ZFAND6: variants seen among roughly 807,000 people sequenced by gnomAD.
ZFAND6 encodes the protein zinc finger AN1-type containing 6.
Under a neutral mutation model 24.5 loss-of-function variants are expected in ZFAND6, and 12 were observed. The ratio of observed to expected loss-of-function variants is 0.49; its 90% CI spans 0.31 to 0.79. The LOEUF (loss-of-function observed/expected upper bound fraction) is 0.79, where lower values mean the gene tolerates loss of function less well. Among genes scored for constraint, ZFAND6 ranks in the 30% least tolerant of loss-of-function variants. The pLI is 0.04. For missense variants in ZFAND6, 207 were observed against 245.9 expected (o/e 0.84, Z 1.06); for synonymous variants, 92 against 81.5 (o/e 1.13, Z -0.69).
intron 1 of ZFAND6, among the ~76,000 whole-genome samples, chr15:80,072,172 A>G (rs2037013001): frequency 6.6e-6 from 1 of 152,064 alleles, no homozygotes; most frequent in South Asian, 2.1e-4. Context: ...TTTTCAGGTA[A>G]AATGTGAACT....
chr15:80,103,153 G>A (rs748971191), intron 2 of ZFAND6, among the ~76,000 whole-genome samples: 1 of 152,170 alleles, frequency 6.6e-6, no homozygotes, highest in East Asian at 1.9e-4. Context: ...ATGTTAGTAG[G>A]GAGGCAGTGA....
In ZFAND6 at chr15:80,111,173, T is replaced by TAAA. The variant is rs1485379609; in HGVS notation, c.-17-9154_-17-9153insAAA. ...TTGTACCAAAAGTGTTACTATCATT[T>TAAA]ATCACATCATGGTTATAACTCCATA... is the stretch of plus-strand genomic sequence containing the variant. On this transcript the variant is annotated intron_variant, in intron 2 of 6. Coordinates refer to ENST00000261749, the MANE Select transcript of ZFAND6 (RefSeq NM_019006.4). Among the ~76,000 whole-genome samples, 6 of 152,258 alleles carry TAAA rather than the reference T, an allele frequency of 3.9e-5. No individual in the cohort carries two copies. The East Asian group carries it at 1.2e-3, about 29-fold the overall frequency.
At chr15:80,109,219 A>G (rs1230514649) in intron 2 of ZFAND6, among the ~76,000 whole-genome samples, 3 of 152,090 alleles carry the variant, frequency 2.0e-5, no homozygotes, top group Admixed American at 6.6e-5. Context: ...CATACATTCA[A>G]TCAATATTGA....
At chr15:80,076,906 T>TAAAAAA (rs200626707) in intron 1 of ZFAND6, among the ~76,000 whole-genome samples, 3 of 146,264 alleles carry the variant, frequency 2.1e-5, no homozygotes, top group Non-Finnish European at 4.5e-5. Context: ...AAACAAACAT[T>TAAAAAA]AAAAAAAAAA....
chr15:80,064,356 T>C (rs1014875827), intron 1 of ZFAND6, among the ~76,000 whole-genome samples: 1 of 151,930 alleles, frequency 6.6e-6, no homozygotes, highest in Non-Finnish European at 1.5e-5. Context: ...ACCAGCATTA[T>C]CTGTCTATCC....
At chr15:80,107,296 T>A (rs2039382713) in intron 2 of ZFAND6, among the ~76,000 whole-genome samples, 1 of 152,226 alleles carries the variant, frequency 6.6e-6, no homozygotes, top group South Asian at 2.1e-4. Flanking sequence ...GTTTTTTAAC[T>A]GTGAGAGTAT....
rs9302291 is a variant in ZFAND6 at position 80,064,607 on chromosome 15, T to TACAC, written c.-181+4817_-181+4820dup. ...ACAAATATATATACACATGTATACA[T>TACAC]ACACACACACACACACACACACGTA... On this transcript the variant is annotated intron_variant, in intron 1 of 6. Transcript: ENST00000261749. Among the ~76,000 whole-genome samples, 1,131 of 150,698 alleles carry TACAC rather than the reference T, an allele frequency of 7.5e-3. 16 individuals are homozygous for TACAC. The highest frequency in any genetic ancestry group is 0.026 in the African/African-American group (1,055 of 41,062).
At chr15:80,117,859 G>A (rs1319977346) in intron 2 of ZFAND6, among the ~76,000 whole-genome samples, 1 of 151,934 alleles carries the variant, frequency 6.6e-6, no homozygotes, top group Non-Finnish European at 1.5e-5. Flanking sequence ...CCCCACAATT[G>A]CTATAGCAGC....
intron 1 of ZFAND6, among the ~76,000 whole-genome samples, chr15:80,079,207 G>C (rs976974565): frequency 5.3e-5 from 8 of 152,078 alleles, no homozygotes; most frequent in Admixed American, 1.3e-4. Flanking sequence ...TAGATTATCT[G>C]TTTACTCTGT....
At chr15:80,130,942 T>G (rs958917928) in intron 5 of ZFAND6, 7 of 394,816 alleles carry the variant, frequency 1.8e-5, no homozygotes, top group Non-Finnish European at 3.2e-5. Flanking sequence ...CTAAAGAAAG[T>G]CTATAAAACC....
intron 5 of ZFAND6, chr15:80,130,054 G>T (rs1567099703): frequency 6.6e-6 from 1 of 152,228 alleles, no homozygotes; most frequent in Non-Finnish European, 1.5e-5. Flanking sequence ...TATCCTGGGG[G>T]GTAGTTGGGA....
At chr15:80,104,412 G>A (rs967141398) in intron 2 of ZFAND6, among the ~76,000 whole-genome samples, 13 of 152,092 alleles carry the variant, frequency 8.5e-5, no homozygotes, top group Non-Finnish European at 1.6e-4. Flanking sequence ...CCAGCTACTT[G>A]GGAAGCTGAG....
At chr15:80,064,074 AC>A (rs2036479271) in intron 1 of ZFAND6, among the ~76,000 whole-genome samples, 1 of 152,034 alleles carries the variant, frequency 6.6e-6, no homozygotes, top group Non-Finnish European at 1.5e-5. Flanking sequence ...AAGTACTATA[AC>A]CTAGTTATCT....
At chr15:80,073,404 A>G (rs561427056) in intron 1 of ZFAND6, 131 of 221,906 alleles carry the variant, frequency 5.9e-4, no homozygotes, top group African/African-American at 3.0e-3. Context: ...ATTGTAGTGT[A>G]TTTCAGTACA....
chr15:80,065,360 A>G (rs1393350225), intron 1 of ZFAND6, among the ~76,000 whole-genome samples: 3 of 151,538 alleles, frequency 2.0e-5, no homozygotes, highest in South Asian at 2.1e-4. Context: ...TGAAATATCA[A>G]TGATTTGGTA....
intron 5 of ZFAND6, among the ~76,000 whole-genome samples, chr15:80,127,646 A>G (rs1030009050): frequency 1.3e-5 from 2 of 151,744 alleles, no homozygotes; most frequent in East Asian, 1.9e-4. Flanking sequence ...TATGAGGGAA[A>G]TGGAAGTCAT....
At chr15:80,090,891 A>G (rs1180389045) in intron 1 of ZFAND6, among the ~76,000 whole-genome samples, 1 of 152,212 alleles carries the variant, frequency 6.6e-6, no homozygotes, top group Non-Finnish European at 1.5e-5. Context: ...TAGAAATAAT[A>G]ACTTTTTGAC....
At chr15:80,089,226 G>C (rs1375060027) in intron 1 of ZFAND6, among the ~76,000 whole-genome samples, 1 of 149,762 alleles carries the variant, frequency 6.7e-6, no homozygotes, top group Non-Finnish European at 1.5e-5. Context: ...TGTGAGTAGG[G>C]GCCATATTCT....
chr15:80,075,796 C>T (rs1405590608), intron 1 of ZFAND6, among the ~76,000 whole-genome samples: 3 of 151,998 alleles, frequency 2.0e-5, no homozygotes, highest in African/African-American at 7.2e-5. Context: ...GTTTGTATGC[C>T]ATCGGAGAAA....
Sources: allele counts gnomAD v4.1 joint callset (sites outside exome capture counted in the v4.1 genomes callset), GRCh38; gene constraint gnomAD v4.1.1; transcripts MANE v1.5; gene names NCBI Gene and HGNC (gene_info 2026-07-23, HGNC 2026-07-21).